PDE1A: variants seen among roughly 807,000 people sequenced by gnomAD.
The protein encoded by PDE1A is phosphodiesterase 1A.
Under a neutral mutation model 61.7 loss-of-function variants are expected in PDE1A, and 35 were observed. The ratio of observed to expected loss-of-function variants is 0.57; its 90% CI spans 0.43 to 0.75. PDE1A has a LOEUF of 0.75. Ranked by LOEUF, PDE1A falls within the 30% of genes least tolerant of loss-of-function variation. PDE1A has a pLI of 0.00. For synonymous variants in PDE1A, 232 were observed against 213.2 expected (o/e 1.09, Z -0.77); for missense variants, 597 against 630.6 (o/e 0.95, Z 0.57).
At chr2:182,655,229 C>T in the PDE1A span, among the ~76,000 whole-genome samples, 5 of 152,166 alleles carry the variant, frequency 3.3e-5, no homozygotes, top group African/African-American at 1.2e-4. Context: ...CATAATAAAT[C>T]CATTCTAACA....
chr2:182,150,183 T>C (rs1020747036), intron 13 of PDE1A, among the ~76,000 whole-genome samples: 3 of 152,180 alleles, frequency 2.0e-5, no homozygotes, highest in Admixed American at 2.0e-4. Flanking sequence ...TATTCTTTCC[T>C]ACAAATGAGG....
chr2:182,356,886 A>G (rs1371469091), intron 1 of PDE1A, among the ~76,000 whole-genome samples: 1 of 152,184 alleles, frequency 6.6e-6, no homozygotes, highest in East Asian at 1.9e-4. Flanking sequence ...TTGTAGGGAC[A>G]TGGATGAAGC....
At chr2:182,460,496 C>T (rs913284931) in intron 2 of PDE1A, among the ~76,000 whole-genome samples, 4 of 152,132 alleles carry the variant, frequency 2.6e-5, no homozygotes, top group Admixed American at 2.0e-4. Context: ...GCTTCAGCCT[C>T]CCAAGTATCT....
At chr2:182,164,197 C>A (rs1176959516), downstream of PDE1A, among the ~76,000 whole-genome samples, 1 of 152,076 alleles carries the variant, frequency 6.6e-6, no homozygotes, top group African/African-American at 2.4e-5. Context: ...TGAAGCAGGT[C>A]CTGAAGGCAC....
At position 182,140,996 on chromosome 2, in the gene PDE1A, C is replaced by CT. The variant is rs552861576; in HGVS notation, c.*2085dup. ...TGTCTCTGGAAGTTTGGTCACAGTG[C>CT]TTTATAAGTCGCATAACCTGGAAAA... On this transcript the variant is annotated 3_prime_UTR_variant, in exon 15 of 15. Transcript: ENST00000435564. The CT allele has an allele frequency of 7.0e-4, 104 of 148,108 alleles. 1 individual carries two copies. The highest frequency in any genetic ancestry group is 2.4e-3 in the African/African-American group (98 of 40,004). The allele number at this position is 148,108 out of a possible 1,614,324, so 9.2% of individuals were successfully genotyped here.
chr2:182,594,932 G>A, the PDE1A span, among the ~76,000 whole-genome samples: 1 of 152,106 alleles, frequency 6.6e-6, no homozygotes, highest in Non-Finnish European at 1.5e-5. Flanking sequence ...ATGGCAGTAC[G>A]GGGCACTCAG....
At chr2:182,174,895 G>C (rs867062419) in intron 13 of PDE1A, among the ~76,000 whole-genome samples, 4 of 151,906 alleles carry the variant, frequency 2.6e-5, no homozygotes, top group African/African-American at 2.4e-5. Flanking sequence ...TCCTCCCCTA[G>C]CTCCCCACCC....
chr2:182,315,111 T>G (rs535719485), intron 1 of PDE1A, among the ~76,000 whole-genome samples: 1 of 152,314 alleles, frequency 6.6e-6, no homozygotes, highest in Admixed American at 6.5e-5. Context: ...TACTCCTTGA[T>G]TAATTCTTAA....
At chr2:182,625,158 T>C in the PDE1A span, among the ~76,000 whole-genome samples, 3 of 152,166 alleles carry the variant, frequency 2.0e-5, no homozygotes, top group South Asian at 2.1e-4. Flanking sequence ...GTGTGCAAGC[T>C]AGAAAGTGAT....
the PDE1A span, among the ~76,000 whole-genome samples, chr2:182,713,323 G>A: frequency 6.6e-6 from 1 of 152,196 alleles, no homozygotes; most frequent in East Asian, 1.9e-4. Context: ...GCTCACCACA[G>A]TAACCCTAAT....
chr2:182,433,466 T>C (rs1250946987), intron 2 of PDE1A, among the ~76,000 whole-genome samples: 2 of 152,102 alleles, frequency 1.3e-5, no homozygotes, highest in Non-Finnish European at 2.9e-5. Context: ...ACAGACCCAA[T>C]GTTCAAGTCT....
chr2:182,417,335 T>A lies in PDE1A; in HGVS notation c.53+9243A>T, dbSNP rs1702983100. On this transcript the variant is annotated intron_variant, in intron 1 of 13. Coordinates refer to ENST00000351439, the Ensembl canonical transcript of PDE1A. ...CACTGTACTTTATGTGTGCTTCTCT[T>A]TAGGTCTGTGGTTTTCAAGTGTGGC... 2.0e-5 allele frequency among the ~76,000 whole-genome samples: 3 copies of A among 152,192 alleles called. No individual in the cohort carries two copies. In the South Asian group the frequency reaches 6.2e-4, roughly 32 times the overall value.
the PDE1A span, among the ~76,000 whole-genome samples, chr2:182,562,153 T>G: frequency 6.6e-6 from 1 of 152,142 alleles, no homozygotes; most frequent in Non-Finnish European, 1.5e-5. Flanking sequence ...AAGGGAATGC[T>G]TCCAGTTTTT....
intron 7 of PDE1A, among the ~76,000 whole-genome samples, chr2:182,212,029 C>A (rs1687647228): frequency 6.6e-6 from 1 of 151,950 alleles, no homozygotes; most frequent in African/African-American, 2.4e-5. Flanking sequence ...GTATTGCATA[C>A]TTCCAGTATG....
chr2:182,304,484 G>A (rs1695452392), intron 1 of PDE1A, among the ~76,000 whole-genome samples: 1 of 152,076 alleles, frequency 6.6e-6, no homozygotes, highest in Non-Finnish European at 1.5e-5. Flanking sequence ...TAATTGTTTG[G>A]CATAAGAGAC....
intron 13 of PDE1A, among the ~76,000 whole-genome samples, chr2:182,162,606 T>C (rs866373089): frequency 6.6e-6 from 1 of 152,188 alleles, no homozygotes; most frequent in Admixed American, 6.6e-5. Flanking sequence ...ATAAAATTTA[T>C]ACTGTTAATC....
intron 1 of PDE1A, among the ~76,000 whole-genome samples, chr2:182,277,120 T>C (rs1693474313): frequency 6.6e-6 from 1 of 152,114 alleles, no homozygotes; most frequent in Non-Finnish European, 1.5e-5. Flanking sequence ...CTCAGAAGCA[T>C]GTGATCTTTG....
At chr2:182,716,417 G>A in the PDE1A span, 1 of 152,588 alleles carries the variant, frequency 6.6e-6, no homozygotes, top group Non-Finnish European at 1.5e-5. Context: ...GGCTCGGCCA[G>A]GCGGGGTCCG....
intron 2 of PDE1A, among the ~76,000 whole-genome samples, chr2:182,521,756 T>C (rs1456620010): frequency 1.3e-5 from 2 of 152,160 alleles, no homozygotes; most frequent in East Asian, 3.8e-4. Flanking sequence ...TCCAATAAGT[T>C]TGATATGCTG....
Sources: allele counts gnomAD v4.1 joint callset (sites outside exome capture counted in the v4.1 genomes callset), GRCh38; gene constraint gnomAD v4.1.1; transcripts MANE v1.5; gene names NCBI Gene and HGNC (gene_info 2026-07-23, HGNC 2026-07-21).